Variants in WDFY3 observed in about 807,000 individuals in gnomAD.
The protein encoded by WDFY3 is WD repeat and FYVE domain containing 3.
WDFY3 carries 66 observed loss-of-function variants against 409.6 expected under a neutral mutation model. That is an observed-to-expected ratio of 0.16 (90% CI 0.13 to 0.20). The LOEUF (loss-of-function observed/expected upper bound fraction) is 0.20, where lower values mean the gene tolerates loss of function less well. Ranked by LOEUF, WDFY3 falls within the 10% of genes least tolerant of loss-of-function variation. The pLI, the probability that WDFY3 is intolerant of heterozygous loss-of-function variation, is 1.00. For missense variants in WDFY3, 3,031 were observed against 4,298.1 expected (o/e 0.71, Z 8.24); for synonymous variants, 1,521 against 1,537.1 (o/e 0.99, Z 0.25).
chr4:84,739,323 A>T lies in WDFY3; in HGVS notation c.6465-204T>A, dbSNP rs551739709. ...CACCTGACTAAATGTAATTAGACTG[A>T]TCTATAGCATCAAGATTATTACCTT... On this transcript the variant is annotated intron_variant, in intron 39 of 67. Transcript: ENST00000295888. 251 of 515,562 alleles carry T rather than the reference A, an allele frequency of 4.9e-4. 2 individuals are homozygous for T. The highest frequency in any genetic ancestry group is 3.2e-3 in the South Asian group (114 of 36,070). The allele number at this position is 515,562 out of a possible 1,614,324, so 31.9% of individuals were successfully genotyped here.
intron 63 of WDFY3, chr4:84,682,884 A>G: frequency 6.3e-6 from 1 of 159,752 alleles, no homozygotes; most frequent in Non-Finnish European, 1.4e-5. Context: ...TGGGAGGCTG[A>G]TGCAGGAGAA....
At chr4:84,852,723 A>G (rs746503504) in intron 4 of WDFY3, among the ~76,000 whole-genome samples, 1 of 151,632 alleles carries the variant, frequency 6.6e-6, no homozygotes, top group Non-Finnish European at 1.5e-5. Context: ...AACCTATACT[A>G]CTTGTTAAAT....
rs540941156 is a variant in WDFY3, at chr4:84,757,277, C to T, written c.5189-116G>A. 217 of 842,784 alleles carry T rather than the reference C, an allele frequency of 2.6e-4. 2 individuals are homozygous for T. The East Asian group carries it at 5.5e-3, about 21-fold the overall frequency. 52.2% of individuals were successfully genotyped at this position (842,784 alleles called of 1,614,324 possible). A position where few individuals can be genotyped will look rare whatever the true frequency, so the allele number is the denominator to read the frequency against. On this transcript the variant is annotated intron_variant, in intron 32 of 67. Coordinates refer to ENST00000295888, the MANE Select transcript of WDFY3 (RefSeq NM_014991.6). ...AACATTTCTATCCAGAACATTCATA[C>T]TACTATAGGCAATTAAGTATTCAAC... is the stretch of plus-strand genomic sequence containing the variant.
At position 84,733,717 on chromosome 4, in the gene WDFY3, C is replaced by A. The variant is rs112601198; in HGVS notation, c.6994-108G>T. The A allele has an allele frequency of 2.2e-4, 234 of 1,044,376 alleles. 1 individual carries two copies. In the African/African-American group the frequency reaches 3.3e-3, roughly 15 times the overall value. 64.7% of individuals were successfully genotyped at this position (1,044,376 alleles called of 1,614,324 possible). ...ATTATTTGGAAACAAACACAATCCA[C>A]ACCATTTCAGTTAACATTATAAAAG... On this transcript the variant is annotated intron_variant, in intron 43 of 67. Transcript: ENST00000295888.
chr4:84,954,273 T>C (rs888114367), intron 1 of WDFY3, among the ~76,000 whole-genome samples: 1 of 152,174 alleles, frequency 6.6e-6, no homozygotes, highest in African/African-American at 2.4e-5. Context: ...ATTACACAAA[T>C]AAATCAAGCT....
At chr4:84,787,232 C>A (rs535281499) in intron 23 of WDFY3, among the ~76,000 whole-genome samples, 2 of 151,996 alleles carry the variant, frequency 1.3e-5, no homozygotes, top group Admixed American at 6.6e-5. Context: ...AGGGCATATA[C>A]CTATATCTCA....
chr4:84,782,008 TAA>T (rs750194998), intron 25 of WDFY3, among the ~76,000 whole-genome samples: 2 of 152,180 alleles, frequency 1.3e-5, no homozygotes, highest in Non-Finnish European at 2.9e-5. Flanking sequence ...ATTTACACAT[TAA>T]AAGTCACAAT....
At chr4:84,830,620 A>T (rs966011197) in intron 8 of WDFY3, among the ~76,000 whole-genome samples, 5 of 152,200 alleles carry the variant, frequency 3.3e-5, no homozygotes, top group African/African-American at 1.2e-4. Flanking sequence ...TGTCTCCTAT[A>T]CAGACATTTT....
intron 13 of WDFY3, among the ~76,000 whole-genome samples, chr4:84,813,474 T>C (rs1481321884): frequency 6.6e-6 from 1 of 152,214 alleles, no homozygotes; most frequent in African/African-American, 2.4e-5. Flanking sequence ...TCTATGCTTT[T>C]ACGTATCTGC....
intron 30 of WDFY3, among the ~76,000 whole-genome samples, chr4:84,770,621 C>T (rs994218870): frequency 2.0e-5 from 3 of 152,096 alleles, no homozygotes; most frequent in Non-Finnish European, 4.4e-5. Context: ...TAACTTAGTA[C>T]CTTAATCATT....
intron 8 of WDFY3, among the ~76,000 whole-genome samples, chr4:84,831,197 A>G (rs919482688): frequency 6.6e-6 from 1 of 151,784 alleles, no homozygotes; most frequent in African/African-American, 2.4e-5. Flanking sequence ...AAAAAAAAAA[A>G]AAAAAGAAAT....
chr4:84,768,504 A>G (rs1282650636), intron 30 of WDFY3, among the ~76,000 whole-genome samples: 1 of 152,206 alleles, frequency 6.6e-6, no homozygotes, highest in Non-Finnish European at 1.5e-5. Context: ...ATAAAGCTCA[A>G]TCTACTCTGC....
In WDFY3 at chr4:84,690,495, T is replaced by C; in HGVS notation, c.9363+11A>G. On this transcript the variant is annotated intron_variant, in intron 61 of 67. Coordinates refer to ENST00000295888, the MANE Select transcript of WDFY3 (RefSeq NM_014991.6). ...TATGTCCTTCTTGGCATTTTCTATG[T>C]TCTCTCTTACCTGTTTGAGGGTGAC... is the stretch of plus-strand genomic sequence containing the variant. 3.1e-6 allele frequency: 5 copies of C among 1,614,120 alleles called. No individual in the cohort carries two copies. The highest frequency in any genetic ancestry group is 4.2e-6 in the Non-Finnish European group (5 of 1,179,992).
chr4:84,907,430 G>T (rs1272436445), intron 2 of WDFY3, among the ~76,000 whole-genome samples: 2 of 152,142 alleles, frequency 1.3e-5, no homozygotes, highest in Non-Finnish European at 2.9e-5. Flanking sequence ...GTCCACATGA[G>T]TAGAAACCAA....
chr4:84,932,658 T>C (rs970161358), intron 1 of WDFY3, among the ~76,000 whole-genome samples: 1 of 152,154 alleles, frequency 6.6e-6, no homozygotes, highest in African/African-American at 2.4e-5. Context: ...AGCTACTTAG[T>C]GTTAGAGCCA....
chr4:84,796,812 A>C, intron 18 of WDFY3, 60 bp from the exon 19 acceptor site: 1 of 1,420,074 alleles, frequency 7.0e-7, no homozygotes, highest in South Asian at 1.3e-5. Flanking sequence ...TAACTTTACA[A>C]GGCTGATTTA....
chr4:84,835,123 C>A (rs1191520361), intron 7 of WDFY3, among the ~76,000 whole-genome samples: 1 of 152,120 alleles, frequency 6.6e-6, no homozygotes, highest in Admixed American at 6.5e-5. Flanking sequence ...CTTCAGTATG[C>A]TAAAGTGACT....
chr4:84,766,441 T>C, intron 30 of WDFY3, 69 bp from the exon 31 acceptor site: 1 of 1,428,124 alleles, frequency 7.0e-7, no homozygotes, highest in South Asian at 1.4e-5. Flanking sequence ...AACATAGTTC[T>C]TGGAAAGTTT....
In WDFY3 at chr4:84,696,803, T is replaced by C. The variant is rs1730223105; in HGVS notation, c.8617A>G (p.Lys2873Glu). The change falls in exon 57 of 68, where the codon AAG (lysine) becomes GAG (glutamate). Residue 2873 changes from lysine (K) to glutamate (E), a missense_variant. Around this residue, in one of 16 missense-constraint regions of WDFY3, gnomAD observed 129 missense variants for 305.3 expected, o/e 0.42. Coordinates refer to ENST00000295888, the MANE Select transcript of WDFY3 (RefSeq NM_014991.6). ...FDLGCKQNGT[K>E]LGDVILPPWA... ...GGTGGAAGGATAACATCTCCAAGCT[T>C]GGTGCCATTTTGTTTACAGCCTATG... is the stretch of plus-strand genomic sequence containing the variant. 6.2e-7 allele frequency: 1 copy of C among 1,613,912 alleles called. No individual in the cohort carries two copies. The highest frequency in any genetic ancestry group is 8.5e-7 in the Non-Finnish European group (1 of 1,179,904).
Sources: allele counts gnomAD v4.1 joint callset (sites outside exome capture counted in the v4.1 genomes callset), GRCh38; gene constraint gnomAD v4.1.1; regional missense constraint gnomAD v4.1.1; transcripts MANE v1.5; gene names NCBI Gene and HGNC (gene_info 2026-07-23, HGNC 2026-07-21).